PRKG2: variants seen among roughly 807,000 people sequenced by gnomAD.
PRKG2 encodes the protein protein kinase cGMP-dependent 2, also known as cGMP-dependent protein kinase 2.
PRKG2 carries 33 observed loss-of-function variants against 97.2 expected under a neutral mutation model. The observed-to-expected ratio is 0.34, with a 90% confidence interval of 0.26 to 0.45. PRKG2 has a LOEUF of 0.45. Ranked by LOEUF, PRKG2 falls within the 20% of genes least tolerant of loss-of-function variation. The pLI, the probability that PRKG2 is intolerant of heterozygous loss-of-function variation, is 1.00. For missense variants in PRKG2, 638 were observed against 900.0 expected (o/e 0.71, Z 3.73); for synonymous variants, 330 against 321.8 (o/e 1.03, Z -0.27).
intron 12 of PRKG2, 133 bp from the exon 13 acceptor site, chr4:81,137,615 T>A: frequency 1.5e-6 from 1 of 670,630 alleles, no homozygotes; most frequent in Non-Finnish European, 2.6e-6. Flanking sequence ...ACAACTACAC[T>A]GGGCTTCTCG....
chr4:81,162,812 G>T (rs557847795), intron 6 of PRKG2, among the ~76,000 whole-genome samples: 1 of 152,168 alleles, frequency 6.6e-6, no homozygotes, highest in African/African-American at 2.4e-5. Context: ...CTATAGCTGC[G>T]GGGATTGTGT....
chr4:81,141,091 G>A (rs1349673695), intron 11 of PRKG2, among the ~76,000 whole-genome samples: 1 of 151,998 alleles, frequency 6.6e-6, no homozygotes, highest in Non-Finnish European at 1.5e-5. Context: ...GCTCATTGCA[G>A]CCTTGACCTC....
rs957035380 is a variant in PRKG2, at chr4:81,159,551, C to T, written c.913-5830G>A. ...TCAACCATTGTGGAAGTCAGTGTGG[C>T]GATTCCTCAGGGATCTAGAACTAGA... On this transcript the variant is annotated intron_variant, in intron 6 of 18. Transcript: ENST00000264399. Among the ~76,000 whole-genome samples, 115 of 152,152 alleles carry T rather than the reference C, an allele frequency of 7.6e-4. 1 individual carries two copies. The highest frequency in any genetic ancestry group is 6.8e-3 in the Admixed American group (104 of 15,278).
chr4:81,157,376 C>G (rs1019710692), intron 6 of PRKG2, among the ~76,000 whole-genome samples: 1 of 152,124 alleles, frequency 6.6e-6, no homozygotes, highest in Non-Finnish European at 1.5e-5. Flanking sequence ...CAAGACTAAA[C>G]CAGGAAGAAG....
chr4:81,183,463 T>C (rs988135860), intron 2 of PRKG2, among the ~76,000 whole-genome samples: 1 of 152,090 alleles, frequency 6.6e-6, no homozygotes, highest in Non-Finnish European at 1.5e-5. Flanking sequence ...CAGGCCCAGA[T>C]AGTACGCTTT....
Position 81,209,741 on chromosome 4 carries a change from A to G in PRKG2, c.-13-4681T>C, listed in dbSNP as rs1578531293. ...CAACAAGAGAATTTATCTTAGAGGAAAAACTTATTGAACTGAAAACATGTA... is the reference window on the plus strand; with the variant it reads ...CAACAAGAGAATTTATCTTAGAGGAGAAACTTATTGAACTGAAAACATGTA... On this transcript the variant is annotated intron_variant, in intron 1 of 18. Coordinates refer to ENST00000264399, the MANE Select transcript of PRKG2 (RefSeq NM_006259.3). 1.3e-5 allele frequency among the ~76,000 whole-genome samples: 2 copies of G among 152,278 alleles called. 1 individual carries two copies. The highest frequency in any genetic ancestry group is 4.1e-4 in the South Asian group (2 of 4,828).
At chr4:81,106,116 C>T (rs1201253668) in intron 15 of PRKG2, among the ~76,000 whole-genome samples, 181 bp from the exon 16 acceptor site, 2 of 152,042 alleles carry the variant, frequency 1.3e-5, no homozygotes, top group African/African-American at 2.4e-5. Flanking sequence ...AATTTAATAT[C>T]GCTTAGCACA....
At chr4:81,194,378 A>G (rs1752805123) in intron 2 of PRKG2, among the ~76,000 whole-genome samples, 1 of 151,768 alleles carries the variant, frequency 6.6e-6, no homozygotes, top group Non-Finnish European at 1.5e-5. Flanking sequence ...CCCCATCCCC[A>G]GATAATTGTT....
At chr4:81,094,632 C>G (rs1340333282) in intron 17 of PRKG2, among the ~76,000 whole-genome samples, 1 of 151,816 alleles carries the variant, frequency 6.6e-6, no homozygotes, top group African/African-American at 2.4e-5. Context: ...GGAATAGGAA[C>G]AGGTTGGGAA....
chr4:81,193,134 T>C (rs1407393922), intron 2 of PRKG2: 1 of 152,226 alleles, frequency 6.6e-6, no homozygotes, highest in Non-Finnish European at 1.5e-5. Flanking sequence ...TTGACCTTCC[T>C]TCATCCCTAT....
chr4:81,141,320 T>G (rs1747265911), intron 11 of PRKG2, among the ~76,000 whole-genome samples: 1 of 152,218 alleles, frequency 6.6e-6, no homozygotes, highest in Non-Finnish European at 1.5e-5. Context: ...CTAAGCTCTA[T>G]ATCTGTACCA....
At chr4:81,206,363 C>T (rs928051158) in intron 1 of PRKG2, among the ~76,000 whole-genome samples, 6 of 152,084 alleles carry the variant, frequency 3.9e-5, no homozygotes, top group East Asian at 3.9e-4. Flanking sequence ...ATCATGGGGG[C>T]GGATCTTTCC....
intron 17 of PRKG2, among the ~76,000 whole-genome samples, chr4:81,103,000 A>T (rs1014084991): frequency 2.6e-5 from 4 of 152,220 alleles, no homozygotes; most frequent in Admixed American, 2.6e-4. Flanking sequence ...TGTATTTTGC[A>T]CTATCTACAT....
At chr4:81,214,285 G>T (rs1336151632) in intron 1 of PRKG2, among the ~76,000 whole-genome samples, 3 of 151,904 alleles carry the variant, frequency 2.0e-5, no homozygotes, top group African/African-American at 7.3e-5. Flanking sequence ...TTCTGCATGC[G>T]TTGCTTTTAT....
chr4:81,186,167 A>G (rs1474602787), intron 2 of PRKG2, among the ~76,000 whole-genome samples: 1 of 152,212 alleles, frequency 6.6e-6, no homozygotes, highest in African/African-American at 2.4e-5. Flanking sequence ...AACAGAATAT[A>G]CATTCTTCTC....
intron 6 of PRKG2, among the ~76,000 whole-genome samples, chr4:81,154,912 C>G (rs1209860861): frequency 6.6e-6 from 1 of 152,098 alleles, no homozygotes; most frequent in Admixed American, 6.5e-5. Flanking sequence ...CGGTGGCTCA[C>G]GCCTGTAATC....
intron 14 of PRKG2, among the ~76,000 whole-genome samples, chr4:81,120,129 T>TG (rs1169865528): frequency 1.3e-5 from 2 of 152,180 alleles, no homozygotes; most frequent in Non-Finnish European, 1.5e-5. Context: ...TAACAACAGC[T>TG]GAGTCTTAGT....
chr4:81,182,680 T>C (rs925248442), intron 2 of PRKG2, among the ~76,000 whole-genome samples: 1 of 152,036 alleles, frequency 6.6e-6, no homozygotes, highest in African/African-American at 2.4e-5. Flanking sequence ...ACCACCAATA[T>C]CAACAGGTGA....
chr4:81,210,818 TAAACGGATAAAC>T (rs1316047175), intron 1 of PRKG2, among the ~76,000 whole-genome samples: 8 of 152,106 alleles, frequency 5.3e-5, no homozygotes, highest in African/African-American at 1.9e-4. Flanking sequence ...CCTCAGTAGG[TAAACGGATAAAC>T]AAACTGTGGC....
Sources: allele counts gnomAD v4.1 joint callset (sites outside exome capture counted in the v4.1 genomes callset), GRCh38; gene constraint gnomAD v4.1.1; transcripts MANE v1.5; gene names NCBI Gene and HGNC (gene_info 2026-07-23, HGNC 2026-07-21).